NGLY1: variants seen among roughly 807,000 people sequenced by gnomAD.
NGLY1 encodes the protein peptide-N(4)-(N-acetyl-beta-glucosaminyl)asparagine amidase.
Under a neutral mutation model 84.6 loss-of-function variants are expected in NGLY1, and 68 were observed. The observed-to-expected ratio is 0.80, with a 90% confidence interval of 0.66 to 0.98. The LOEUF (loss-of-function observed/expected upper bound fraction) is 0.98. Ranked by LOEUF, NGLY1 falls within the 50% of genes least tolerant of loss-of-function variation. The probability of loss-of-function intolerance (pLI) is 0.00; values close to 1 mark genes in which losing one functional copy is unlikely to be tolerated. For synonymous variants in NGLY1, 280 were observed against 275.2 expected, an observed-to-expected ratio of 1.02 and a Z score of -0.17; for missense variants, 779 against 770.2, an observed-to-expected ratio of 1.01 and a Z score of -0.14.
upstream of NGLY1, among the ~76,000 whole-genome samples, chr3:25,787,003 G>A (rs114114273): frequency 3.1e-3 from 474 of 152,352 alleles, 4 homozygotes; most frequent in African/African-American, 0.011. Context: ...GTTTAGAGCA[G>A]TGGTTGGACA....
intron 3 of NGLY1, among the ~76,000 whole-genome samples, chr3:25,763,727 A>G (rs1162953205): frequency 3.3e-5 from 5 of 152,202 alleles, no homozygotes; most frequent in Non-Finnish European, 7.3e-5. Flanking sequence ...AATTTCACTA[A>G]TTTGCTAGCA....
chr3:25,789,749 T>C (rs1708680898), intron 1 of NGLY1: 1 of 1,279,706 alleles, frequency 7.8e-7, no homozygotes, highest in South Asian at 1.3e-5. Context: ...TTTCCTTAAT[T>C]CTTTCTTACA....
upstream of NGLY1, among the ~76,000 whole-genome samples, chr3:25,786,899 A>T (rs1196305696): frequency 6.6e-6 from 1 of 152,234 alleles, no homozygotes; most frequent in East Asian, 1.9e-4. Flanking sequence ...TCATTCCATA[A>T]TTCATTCATT....
chr3:25,731,694 A>G (rs768760835), intron 9 of NGLY1, among the ~76,000 whole-genome samples: 29 of 152,258 alleles, frequency 1.9e-4, no homozygotes, highest in Non-Finnish European at 3.1e-4. Flanking sequence ...AATAACCCAA[A>G]TAGCCATCAA....
chr3:25,760,388 T>C (rs901968635), intron 3 of NGLY1, among the ~76,000 whole-genome samples: 1 of 152,202 alleles, frequency 6.6e-6, no homozygotes, highest in African/African-American at 2.4e-5. Context: ...ATAATAATGT[T>C]ATTCATGTCA....
At chr3:25,770,695 A>C (rs1707849645) in intron 2 of NGLY1, among the ~76,000 whole-genome samples, 1 of 152,166 alleles carries the variant, frequency 6.6e-6, no homozygotes, top group Non-Finnish European at 1.5e-5. Context: ...AACAGTGTAA[A>C]AGGGTTCCCT....
intron 2 of NGLY1, among the ~76,000 whole-genome samples, chr3:25,773,478 T>C (rs1559557264): frequency 6.6e-6 from 1 of 152,186 alleles, no homozygotes; most frequent in Non-Finnish European, 1.5e-5. Context: ...GAAGTTGTAA[T>C]TGTTTTTTAT....
intron 3 of NGLY1, among the ~76,000 whole-genome samples, chr3:25,761,537 G>A (rs1707324823): frequency 6.6e-6 from 1 of 151,966 alleles, no homozygotes; most frequent in African/African-American, 2.4e-5. Flanking sequence ...CACTAAAATG[G>A]GTATACTAAA....
At chr3:25,757,401 C>T (rs1412849931) in intron 3 of NGLY1, among the ~76,000 whole-genome samples, 3 of 152,166 alleles carry the variant, frequency 2.0e-5, no homozygotes, top group Non-Finnish European at 4.4e-5. Flanking sequence ...AAAATAACAC[C>T]TACCCTGCCT....
At chr3:25,779,165 G>A (rs1976161) in intron 1 of NGLY1, among the ~76,000 whole-genome samples, 99,874 of 151,748 alleles carry the variant, frequency 0.66, 38,762 homozygotes, top group East Asian at 0.94. Context: ...TCGAACTCTC[G>A]ACCTCAGGTG....
In NGLY1 at chr3:25,756,933, T is replaced by C. The variant is rs539976254; in HGVS notation, c.493-5670A>G. ...TTTTCCTCTTATACACATCTTAAAG[T>C]CATATTGGGAAAGATGGAAAGCTTT... On this transcript the variant is annotated intron_variant, in intron 3 of 11. Coordinates refer to ENST00000280700, the MANE Select transcript of NGLY1 (RefSeq NM_018297.4). Among the ~76,000 whole-genome samples the C allele has an allele frequency of 3.7e-4, 57 of 152,352 alleles. 2 individuals are homozygous for C. In the South Asian group the frequency reaches 0.012, roughly 31 times the overall value.
chr3:25,766,661 CA>C (rs537562481), intron 2 of NGLY1, among the ~76,000 whole-genome samples: 4 of 152,044 alleles, frequency 2.6e-5, no homozygotes, highest in Non-Finnish European at 5.9e-5. Context: ...GAAGAGAAAC[CA>C]GACATCTGGT....
intron 1 of NGLY1, among the ~76,000 whole-genome samples, chr3:25,780,616 A>G (rs566500481): frequency 6.6e-6 from 1 of 152,208 alleles, no homozygotes; most frequent in Non-Finnish European, 1.5e-5. Context: ...ATCAGTTCTC[A>G]TATAGTTTTT....
chr3:25,757,922 G>A (rs187507376), intron 3 of NGLY1, among the ~76,000 whole-genome samples: 18 of 152,316 alleles, frequency 1.2e-4, no homozygotes, highest in Admixed American at 8.5e-4. Context: ...AGTGGCACCC[G>A]CACTCCTACT....
chr3:25,763,093 A>G (rs1001781441), intron 3 of NGLY1, among the ~76,000 whole-genome samples: 1 of 152,136 alleles, frequency 6.6e-6, no homozygotes, highest in African/African-American at 2.4e-5. Flanking sequence ...CCACTGTACT[A>G]CAGCCTGGAC....
intron 2 of NGLY1, chr3:25,778,192 TTC>T (rs1414096768): frequency 2.0e-5 from 3 of 153,600 alleles, no homozygotes; most frequent in African/African-American, 7.2e-5. Context: ...AACTCAGTTT[TTC>T]TGTTTACTTC....
At chr3:25,743,213 G>T (rs1186365714) in intron 4 of NGLY1, among the ~76,000 whole-genome samples, 2 of 152,158 alleles carry the variant, frequency 1.3e-5, no homozygotes, top group Non-Finnish European at 2.9e-5. Flanking sequence ...CTGTGATAAT[G>T]ATTTTGGATT....
chr3:25,775,255 A>G (rs903559717), intron 2 of NGLY1, among the ~76,000 whole-genome samples: 11 of 152,216 alleles, frequency 7.2e-5, no homozygotes, highest in Non-Finnish European at 1.6e-4. Flanking sequence ...CTGTTCTGTC[A>G]GTCCAATTGG....
At position 25,720,137 on chromosome 3, in the gene NGLY1, C is replaced by G; in HGVS notation, c.1666G>C (p.Glu556Gln). The change falls in exon 11 of 12, where the codon GAG becomes CAG. Residue 556 changes from glutamate to glutamine, a missense_variant. Glu to Gln is a conservative substitution (Grantham distance 29, BLOSUM62 2). Coordinates refer to ENST00000280700, the MANE Select transcript of NGLY1 (RefSeq NM_018297.4). ...SSFAYISWKFECGSVGLKVDS... is the reference protein window; with the variant it reads ...SSFAYISWKFQCGSVGLKVDS... ...ACTTTTAGGCCAACTGACCCACACT[C>G]AAACTTCCAGGAAATATAAGCAAAA... 6.2e-7 allele frequency: 1 copy of G among 1,613,822 alleles called. No homozygotes were observed. Among genetic ancestry groups the G allele is most frequent in the Non-Finnish European group, 8.5e-7 (1 of 1,179,858 alleles).
Sources: gnomAD v4.1 joint callset for allele counts (sites outside exome capture counted in the v4.1 genomes callset) on GRCh38, gnomAD v4.1.1 for gene constraint, MANE v1.5 for transcripts, NCBI Gene and HGNC (gene_info 2026-07-23, HGNC 2026-07-21) for gene names.